CSMD1: variants seen among roughly 807,000 people sequenced by gnomAD.
CSMD1 encodes the protein CUB and Sushi multiple domains 1.
A neutral mutation model predicts 417.5 loss-of-function variants in CSMD1; 213 were observed. The observed-to-expected ratio is 0.51, with a 90% CI of 0.46 to 0.57. CSMD1 has a LOEUF of 0.57. Among genes scored for constraint, CSMD1 ranks in the 20% least tolerant of loss-of-function variants. The pLI, the probability that CSMD1 is intolerant of heterozygous loss-of-function variation, is 0.00. For synonymous variants in CSMD1, 2,862 were observed against 1,736.8 expected (o/e 1.65, Z -16.11); for missense variants, 6,923 against 4,529.7 (o/e 1.53, Z -15.17).
At chr8:3,083,652 T>TA (rs1563320711) in intron 49 of CSMD1, among the ~76,000 whole-genome samples, 4 of 26,968 alleles carry the variant, frequency 1.5e-4, no homozygotes, top group African/African-American at 4.1e-4. Flanking sequence ...ATATATATTT[T>TA]TTTTTTTTTT....
At chr8:3,801,244 G>T (rs1309292308) in intron 5 of CSMD1, among the ~76,000 whole-genome samples, 2 of 146,786 alleles carry the variant, frequency 1.4e-5, no homozygotes, top group African/African-American at 2.5e-5. Flanking sequence ...TATATAGAGA[G>T]AACTTACAAG....
chr8:4,671,733 G>T (rs1359648816), intron 1 of CSMD1, among the ~76,000 whole-genome samples: 1 of 152,108 alleles, frequency 6.6e-6, no homozygotes, highest in Non-Finnish European at 1.5e-5. Flanking sequence ...GCTTGTGTGT[G>T]TGTGTGTGCT....
chr8:3,729,187 C>G (rs897311165), intron 6 of CSMD1, among the ~76,000 whole-genome samples: 3 of 152,112 alleles, frequency 2.0e-5, no homozygotes, highest in Admixed American at 6.5e-5. Context: ...TACTGCCACG[C>G]AATAAGCAAT....
At chr8:4,223,244 T>A (rs571156688) in intron 3 of CSMD1, among the ~76,000 whole-genome samples, 1 of 152,154 alleles carries the variant, frequency 6.6e-6, no homozygotes, top group Admixed American at 6.5e-5. Flanking sequence ...TGAACATTTA[T>A]CTTTTTCTAT....
intron 8 of CSMD1, among the ~76,000 whole-genome samples, chr8:3,601,898 C>A (rs1270954287): frequency 6.6e-6 from 1 of 151,980 alleles, no homozygotes; most frequent in Non-Finnish European, 1.5e-5. Context: ...ACAGATCTGC[C>A]CTAGAGAGAG....
intron 5 of CSMD1, among the ~76,000 whole-genome samples, chr8:3,944,186 C>G (rs936381497): frequency 6.6e-6 from 1 of 152,012 alleles, no homozygotes; most frequent in Non-Finnish European, 1.5e-5. Context: ...TTTTGTAAGT[C>G]TGAAATGGTT....
chr8:3,842,227 C>T (rs73172274), intron 5 of CSMD1, among the ~76,000 whole-genome samples: 24,794 of 152,018 alleles, frequency 0.16, 2,244 homozygotes, highest in Non-Finnish European at 0.21. Flanking sequence ...GTAGAATCAT[C>T]TGCTTGTCCA....
chr8:3,710,947 G>A (rs1056049463), intron 6 of CSMD1, among the ~76,000 whole-genome samples: 2 of 152,160 alleles, frequency 1.3e-5, no homozygotes, highest in Non-Finnish European at 2.9e-5. Context: ...GGAGGAGGGT[G>A]AGATCCCGAA....
intron 11 of CSMD1, among the ~76,000 whole-genome samples, chr8:3,470,056 T>C (rs780933996): frequency 2.6e-5 from 4 of 151,808 alleles, no homozygotes; most frequent in Non-Finnish European, 5.9e-5. Context: ...TTTTACAAAG[T>C]GAACCGCCAC....
At chr8:4,449,723 G>T (rs1042436980) in intron 2 of CSMD1, among the ~76,000 whole-genome samples, 1 of 152,144 alleles carries the variant, frequency 6.6e-6, no homozygotes, top group East Asian at 1.9e-4. Flanking sequence ...AGAAATGCCA[G>T]AATAGGGTCG....
chr8:3,678,164 G>A lies in CSMD1; in HGVS notation c.1009+30250C>T, dbSNP rs189881893. On this transcript the variant is annotated intron_variant, in intron 7 of 69. Transcript: ENST00000635120. ...AGCTGAGGAATGCAGCTCCTCACCA[G>A]CAACAGAACAAAGCTGGACGGAGAA... is the stretch of plus-strand genomic sequence containing the variant. Among the ~76,000 whole-genome samples, 7 of 152,318 alleles carry A rather than the reference G, an allele frequency of 4.6e-5. No homozygotes were observed. The East Asian group carries it at 1.4e-3, about 29-fold the overall frequency.
intron 32 of CSMD1, among the ~76,000 whole-genome samples, chr8:3,201,286 A>C (rs749541206): frequency 1.3e-5 from 2 of 152,186 alleles, no homozygotes; most frequent in African/African-American, 4.8e-5. Context: ...CTCCAGAAGG[A>C]AGGTTAAGAC....
At chr8:3,236,412 C>G (rs1479742136) in intron 26 of CSMD1, among the ~76,000 whole-genome samples, 1 of 151,884 alleles carries the variant, frequency 6.6e-6, no homozygotes, top group Non-Finnish European at 1.5e-5. Flanking sequence ...CCAGATTGGA[C>G]TAAAAAACCA....
chr8:4,398,947 G>C (rs1804456590), intron 3 of CSMD1, among the ~76,000 whole-genome samples: 1 of 152,100 alleles, frequency 6.6e-6, no homozygotes. Flanking sequence ...ATATTCTTGA[G>C]AATGTTTTTT....
At chr8:3,360,610 G>C (rs910157479) in intron 20 of CSMD1, among the ~76,000 whole-genome samples, 7 of 152,208 alleles carry the variant, frequency 4.6e-5, no homozygotes, top group African/African-American at 1.4e-4. Context: ...AGAGAATCTT[G>C]AAAGGCCAAC....
chr8:3,197,677 G>T (rs1796778943), intron 33 of CSMD1, among the ~76,000 whole-genome samples: 1 of 151,974 alleles, frequency 6.6e-6, no homozygotes, highest in Non-Finnish European at 1.5e-5. Context: ...TGTTAGCCAG[G>T]ATGGTCTCGA....
intron 11 of CSMD1, among the ~76,000 whole-genome samples, chr8:3,487,548 G>C (rs774587060): frequency 7.2e-5 from 11 of 152,092 alleles, no homozygotes; most frequent in Non-Finnish European, 1.3e-4. Context: ...TATATAAATC[G>C]ATACATCTAG....
Position 4,726,227 on chromosome 8 carries a change from G to A in CSMD1, c.86-88669C>T, listed in dbSNP as rs542753954. On this transcript the variant is annotated intron_variant, in intron 1 of 69. Transcript: ENST00000635120. The stretch of plus-strand genomic sequence containing the variant: ...CTGTGGCTTCATCACCCATATTAGG[G>A]TCAGAAAAACTCTTGTGTGTTTCTA... Among the ~76,000 whole-genome samples, 7 of 151,936 alleles carry A rather than the reference G, an allele frequency of 4.6e-5. No homozygotes were observed. In the South Asian group the frequency reaches 1.5e-3, roughly 32 times the overall value.
intron 3 of CSMD1, among the ~76,000 whole-genome samples, chr8:4,399,423 G>T (rs947911839): frequency 1.3e-5 from 2 of 152,212 alleles, no homozygotes; most frequent in Admixed American, 6.5e-5. Context: ...AACGTCATAT[G>T]TGAGAAATTG....
Sources: allele counts gnomAD v4.1 joint callset (sites outside exome capture counted in the v4.1 genomes callset), GRCh38; gene constraint gnomAD v4.1.1; transcripts MANE v1.5; gene names NCBI Gene and HGNC (gene_info 2026-07-23, HGNC 2026-07-21).